CLASP1: variants seen among roughly 807,000 people sequenced by gnomAD.
CLASP1 encodes the protein cytoplasmic linker associated protein 1.
CLASP1 carries 38 observed loss-of-function variants against 192.3 expected under a neutral mutation model. That is an observed-to-expected ratio of 0.20 (90% CI 0.15 to 0.26). The LOEUF (loss-of-function observed/expected upper bound fraction) is 0.26. CLASP1 is among the 10% of genes least tolerant of loss of function. The pLI is 1.00. For missense variants in CLASP1, 1,433 were observed against 1,932.5 expected (o/e 0.74, Z 4.85); for synonymous variants, 691 against 712.8 (o/e 0.97, Z 0.49).
intron 8 of CLASP1, among the ~76,000 whole-genome samples, chr2:121,492,428 C>T (rs925823994): frequency 8.9e-5 from 13 of 145,276 alleles, no homozygotes; most frequent in Non-Finnish European, 1.8e-4. Flanking sequence ...AAAAGATAAG[C>T]CACAGAATGA....
chr2:121,578,782 A>G (rs1176116901), intron 2 of CLASP1, among the ~76,000 whole-genome samples: 1 of 152,146 alleles, frequency 6.6e-6, no homozygotes, highest in African/African-American at 2.4e-5. Flanking sequence ...CCAAAACCAA[A>G]ATAAAGCAAT....
chr2:121,633,175 T>G (rs1051306135), intron 1 of CLASP1, among the ~76,000 whole-genome samples: 1 of 151,786 alleles, frequency 6.6e-6, no homozygotes, highest in African/African-American at 2.4e-5. Context: ...ATAGAAAAAT[T>G]TCATGCATTT....
chr2:121,484,598 T>C (rs2092841036), intron 8 of CLASP1, among the ~76,000 whole-genome samples: 1 of 152,312 alleles, frequency 6.6e-6, no homozygotes, highest in South Asian at 2.1e-4. Context: ...AGGCCAGGAT[T>C]ATCTTCCAGT....
chr2:121,628,639 A>G (rs1409920911), intron 1 of CLASP1, among the ~76,000 whole-genome samples: 1 of 150,832 alleles, frequency 6.6e-6, no homozygotes, highest in Non-Finnish European at 1.5e-5. Flanking sequence ...ACCCCACTGC[A>G]CTCCAGCCTG....
chr2:121,450,769 C>A, intron 16 of CLASP1, 144 bp downstream of exon 16: 4 of 576,974 alleles, frequency 6.9e-6, no homozygotes, highest in Admixed American at 3.3e-5. Context: ...AGAAATATTC[C>A]AAAATGGCCT....
At chr2:121,544,183 A>G (rs1463824973) in intron 2 of CLASP1, among the ~76,000 whole-genome samples, 2 of 152,170 alleles carry the variant, frequency 1.3e-5, no homozygotes, top group Non-Finnish European at 2.9e-5. Flanking sequence ...GCTTCTGACA[A>G]AAAGTGTGTA....
chr2:121,624,459 G>A (rs751929383), intron 1 of CLASP1, among the ~76,000 whole-genome samples: 1 of 152,062 alleles, frequency 6.6e-6, no homozygotes, highest in African/African-American at 2.4e-5. Context: ...ACCCAGGCTG[G>A]AGTACAGTGC....
At chr2:121,566,275 G>A (rs761287961) in intron 2 of CLASP1, among the ~76,000 whole-genome samples, 5 of 152,180 alleles carry the variant, frequency 3.3e-5, no homozygotes, top group African/African-American at 9.6e-5. Flanking sequence ...CTTGGACCCC[G>A]TTATCAGATC....
intron 2 of CLASP1, among the ~76,000 whole-genome samples, chr2:121,601,687 T>C (rs530319319): frequency 4.5e-4 from 68 of 152,276 alleles, no homozygotes; most frequent in Non-Finnish European, 7.9e-4. Flanking sequence ...ATAAAAAGCA[T>C]CCAAATTGGA....
chr2:121,531,179 C>T (rs928454019), intron 2 of CLASP1, among the ~76,000 whole-genome samples: 1 of 152,100 alleles, frequency 6.6e-6, no homozygotes, highest in African/African-American at 2.4e-5. Context: ...AACAGAACTT[C>T]ACCCCTTTAA....
At chr2:121,593,111 C>G (rs1344659547) in intron 2 of CLASP1, among the ~76,000 whole-genome samples, 1 of 152,160 alleles carries the variant, frequency 6.6e-6, no homozygotes, top group Non-Finnish European at 1.5e-5. Flanking sequence ...GCAAACACCT[C>G]TTTAACCACG....
intron 19 of CLASP1, among the ~76,000 whole-genome samples, chr2:121,444,710 A>G (rs937911128): frequency 1.3e-5 from 2 of 152,230 alleles, no homozygotes; most frequent in African/African-American, 4.8e-5. Context: ...AGCATACTTT[A>G]GTGCTAAAAT....
At chr2:121,348,962 C>A (rs534477843) in intron 37 of CLASP1, among the ~76,000 whole-genome samples, 1 of 152,182 alleles carries the variant, frequency 6.6e-6, no homozygotes, top group Non-Finnish European at 1.5e-5. Flanking sequence ...GGTACTCGGC[C>A]GGGCGCGGTG....
At chr2:121,358,254 T>G (rs2065774676) in intron 37 of CLASP1, among the ~76,000 whole-genome samples, 1 of 152,208 alleles carries the variant, frequency 6.6e-6, no homozygotes, top group South Asian at 2.1e-4. Context: ...AAATTTAGAA[T>G]TTGAGGATTT....
At chr2:121,470,203 G>GA in intron 8 of CLASP1, 2 of 530,338 alleles carry the variant, frequency 3.8e-6, no homozygotes, top group Admixed American at 2.3e-5. Flanking sequence ...TTGAAAAATA[G>GA]AACAAATATA....
intron 2 of CLASP1, among the ~76,000 whole-genome samples, chr2:121,561,263 A>G (rs752080827): frequency 6.6e-6 from 1 of 152,218 alleles, no homozygotes; most frequent in Non-Finnish European, 1.5e-5. Context: ...AAGGTATACT[A>G]TAGGTTTGAT....
rs11338192 is a variant in CLASP1 at position 121,440,819 on chromosome 2, G to GAAA, written c.1912+6515_1912+6517dup. ...GAAAAAAAAGTCAGCACAAGTAACA[G>GAAA]AAAAAAAAAAAAAGAGGTAAAGAAC... On this transcript the variant is annotated intron_variant, in intron 19 of 39. Coordinates refer to ENST00000263710, the Ensembl canonical transcript of CLASP1. Among the ~76,000 whole-genome samples the GAAA allele has an allele frequency of 2.0e-3, 268 of 132,176 alleles. 1 individual carries two copies. Among genetic ancestry groups the GAAA allele is most frequent in the African/African-American group, 6.5e-3 (250 of 38,280 alleles). The allele number at this position is 132,176 out of a possible 152,430, so 86.7% of individuals were successfully genotyped here.
At chr2:121,600,549 A>C (rs965238507) in intron 2 of CLASP1, among the ~76,000 whole-genome samples, 1 of 152,152 alleles carries the variant, frequency 6.6e-6, no homozygotes, top group Non-Finnish European at 1.5e-5. Context: ...TTCTGGAAAA[A>C]CTAACCAATC....
exon 2 of CLASP1, chr2:121,605,936 G>A (rs2105913778): frequency 2.5e-6 from 4 of 1,579,478 alleles, no homozygotes; most frequent in Non-Finnish European, 2.6e-6. Context: ...CTAGAGGGCA[G>A]TCACGATGAC....
Sources: allele counts gnomAD v4.1 joint callset (sites outside exome capture counted in the v4.1 genomes callset), GRCh38; gene constraint gnomAD v4.1.1; transcripts MANE v1.5; gene names NCBI Gene and HGNC (gene_info 2026-07-23, HGNC 2026-07-21).